ZIM2: variants seen among roughly 807,000 people sequenced by gnomAD.
ZIM2 encodes zinc finger protein 656.
In ZIM2, 14 loss-of-function variants were observed where a neutral mutation model predicts 38.6. That is an observed-to-expected ratio of 0.36 (90% confidence interval 0.24 to 0.57). The LOEUF is 0.57. Among genes scored for constraint, ZIM2 ranks in the 20% least tolerant of loss-of-function variants. ZIM2 has a pLI of 0.81. For synonymous variants in ZIM2, 247 were observed against 245.8 expected, an observed-to-expected ratio of 1.00 and a Z score of -0.04; for missense variants, 680 against 695.1, an observed-to-expected ratio of 0.98 and a Z score of 0.24.
intron 11 of ZIM2, among the ~76,000 whole-genome samples, chr19:56,781,469 C>G (rs1426524508): frequency 6.6e-6 from 1 of 152,126 alleles, no homozygotes; most frequent in Non-Finnish European, 1.5e-5. Flanking sequence ...TTTAGCAATT[C>G]CTTCGCTCAT....
chr19:56,798,206 T>C (rs2047326509), intron 9 of ZIM2: 1 of 152,240 alleles, frequency 6.6e-6, no homozygotes, highest in African/African-American at 2.4e-5. Context: ...AGTTTAGCCA[T>C]GTGAACACGT....
At chr19:56,783,844 AAGAT>A (rs1486675398) in intron 10 of ZIM2, among the ~76,000 whole-genome samples, 2 of 152,216 alleles carry the variant, frequency 1.3e-5, no homozygotes, top group African/African-American at 2.4e-5. Flanking sequence ...GTGAAAAAAA[AAGAT>A]AGACTGACCT....
At chr19:56,837,499 C>T (rs910241476) in intron 1 of ZIM2, among the ~76,000 whole-genome samples, 1 of 152,220 alleles carries the variant, frequency 6.6e-6, no homozygotes, top group African/African-American at 2.4e-5. Flanking sequence ...GCCTTGGATT[C>T]CACTTTTCTG....
At chr19:56,821,100 G>C (rs1320606443) in intron 7 of ZIM2, among the ~76,000 whole-genome samples, 1 of 152,210 alleles carries the variant, frequency 6.6e-6, no homozygotes, top group Non-Finnish European at 1.5e-5. Flanking sequence ...TGCCTACCAT[G>C]TGCCAGGTAC....
At chr19:56,792,880 T>A (rs965918897) in intron 9 of ZIM2, among the ~76,000 whole-genome samples, 3 of 152,228 alleles carry the variant, frequency 2.0e-5, no homozygotes, top group African/African-American at 7.2e-5. Context: ...TCAGACTGAA[T>A]GTATAAAATG....
intron 9 of ZIM2, among the ~76,000 whole-genome samples, chr19:56,790,585 T>C (rs1334628008): frequency 6.6e-6 from 1 of 152,204 alleles, no homozygotes; most frequent in Non-Finnish European, 1.5e-5. Flanking sequence ...TGTGTTCATG[T>C]AGACCTTATT....
chr19:56,832,897 T>G (rs942763463), intron 2 of ZIM2, among the ~76,000 whole-genome samples: 3 of 152,226 alleles, frequency 2.0e-5, no homozygotes, highest in African/African-American at 7.2e-5. Flanking sequence ...TGCCATTCTT[T>G]GGATATTTTA....
intron 10 of ZIM2, among the ~76,000 whole-genome samples, chr19:56,784,046 A>T (rs1237863690): frequency 6.6e-6 from 1 of 152,180 alleles, no homozygotes; most frequent in Non-Finnish European, 1.5e-5. Flanking sequence ...ATTTTGCTCA[A>T]AATGTTGTAG....
chr19:56,806,969 A>C (rs369394859), intron 9 of ZIM2, among the ~76,000 whole-genome samples: 1 of 152,146 alleles, frequency 6.6e-6, no homozygotes, highest in Non-Finnish European at 1.5e-5. Context: ...TAAATTCCCC[A>C]GTCTAAGATA....
chr19:56,839,285 C>T (rs1024873575), intron 1 of ZIM2, among the ~76,000 whole-genome samples: 15 of 149,728 alleles, frequency 1.0e-4, no homozygotes, highest in East Asian at 6.0e-4. Flanking sequence ...TCTAGGTGGG[C>T]GGGGCCTGAG....
chr19:56,795,776 G>A (rs1305330680), intron 9 of ZIM2, among the ~76,000 whole-genome samples: 3 of 152,110 alleles, frequency 2.0e-5, no homozygotes, highest in African/African-American at 7.2e-5. Flanking sequence ...GGGAGGCAGA[G>A]GTTACAGTGA....
In ZIM2 at chr19:56,813,714, G is replaced by A. The variant is rs754724117; in HGVS notation, c.490+4032C>T. ...TATTCTGGTGTCTGGCGAGGGACAG[G>A]CGGTCATTGAAGAGCTGCCCACAGA... On this transcript the variant is annotated intron_variant, in intron 9 of 12. Transcript: ENST00000629319. 7.3e-5 allele frequency: 118 copies of A among 1,614,062 alleles called. No individual in the cohort carries two copies. The East Asian group carries it at 2.6e-3, about 36-fold the overall frequency.
chr19:56,787,430 C>T (rs1400126573), intron 10 of ZIM2, among the ~76,000 whole-genome samples: 1 of 152,116 alleles, frequency 6.6e-6, no homozygotes, highest in South Asian at 2.1e-4. Flanking sequence ...CATGTGCCAC[C>T]ACGCCCAGCT....
intron 9 of ZIM2, chr19:56,813,644 G>A (rs922936061): frequency 4.4e-6 from 7 of 1,589,806 alleles, no homozygotes; most frequent in Non-Finnish European, 6.0e-6. Flanking sequence ...CAAGTCCTAG[G>A]TGAAGGTTTT....
intron 9 of ZIM2, chr19:56,810,985 G>A (rs1600845534): frequency 3.1e-6 from 3 of 973,374 alleles, no homozygotes; most frequent in Non-Finnish European, 3.7e-6. Flanking sequence ...CAAAGGTAAT[G>A]TAACAGCTAT....
intron 9 of ZIM2, chr19:56,810,485 A>G: frequency 1.0e-6 from 1 of 985,164 alleles, no homozygotes; most frequent in African/African-American, 1.7e-5. Flanking sequence ...GCACAGATCA[A>G]GATGTTAACA....
intron 2 of ZIM2, among the ~76,000 whole-genome samples, chr19:56,828,063 AC>A (rs963942724): frequency 7.2e-5 from 11 of 152,340 alleles, no homozygotes; most frequent in African/African-American, 2.4e-4. Context: ...CAAAGTTAAA[AC>A]AAAACAATAA....
At chr19:56,790,028 A>G in intron 9 of ZIM2, 77 bp from the exon 10 acceptor site, 2 of 1,231,348 alleles carry the variant, frequency 1.6e-6, no homozygotes, top group East Asian at 5.6e-5. Context: ...AGCCACCCTC[A>G]TGCCACCCTG....
At chr19:56,837,590 C>T (rs1246435659) in intron 1 of ZIM2, among the ~76,000 whole-genome samples, 1 of 152,244 alleles carries the variant, frequency 6.6e-6, no homozygotes, top group African/African-American at 2.4e-5. Flanking sequence ...AAGTAAGGCG[C>T]CACCAGCCAT....
Sources: gnomAD v4.1 joint callset for allele counts (sites outside exome capture counted in the v4.1 genomes callset) on GRCh38, gnomAD v4.1.1 for gene constraint, MANE v1.5 for transcripts, NCBI Gene and HGNC (gene_info 2026-07-23, HGNC 2026-07-21) for gene names.